The following DGKH variants were observed in gnomAD, a reference collection of about 807,000 sequenced individuals.
DGKH encodes diacylglycerol kinase eta.
Under a neutral mutation model 159.3 loss-of-function variants are expected in DGKH, and 90 were observed. The ratio of observed to expected loss-of-function variants is 0.57; its 90% CI spans 0.48 to 0.67. DGKH has a LOEUF of 0.67. DGKH is among the 30% of genes least tolerant of loss of function. The pLI is 0.00. For synonymous variants in DGKH, 536 were observed against 553.8 expected (o/e 0.97, Z 0.45); for missense variants, 1,181 against 1,506.1 (o/e 0.78, Z 3.57).
In DGKH at chr13:42,070,303, A is replaced by G. The variant is rs1169283289; in HGVS notation, c.192+21338A>G. 3.6e-5 allele frequency: 47 copies of G among 1,295,394 alleles called. No homozygotes were observed. The Admixed American group carries it at 7.6e-4, about 21-fold the overall frequency. The allele number at this position is 1,295,394 out of a possible 1,614,324, so 80.2% of individuals were successfully genotyped here. A position where few individuals can be genotyped will look rare whatever the true frequency, so the allele number is the denominator to read the frequency against. On this transcript the variant is annotated intron_variant, in intron 1 of 29. Transcript: ENST00000337343. ...CATGTGATTTCTAATGTAAACTGGA[A>G]TTACGCTGAGAAGCTCCTGACGATC... is the stretch of plus-strand genomic sequence containing the variant.
chr13:42,141,984 G>T (rs1955574493), intron 3 of DGKH, among the ~76,000 whole-genome samples: 1 of 151,402 alleles, frequency 6.6e-6, no homozygotes, highest in South Asian at 2.1e-4. Context: ...CCTATGTCCT[G>T]AATGGTATTG....
chr13:42,233,260 C>T lies in DGKH; in HGVS notation c.*4072C>T, dbSNP rs1315802368. 3 of 152,234 alleles carry T rather than the reference C, an allele frequency of 2.0e-5. No homozygotes were observed. Among genetic ancestry groups the T allele is most frequent in the African/African-American group, 7.2e-5 (3 of 41,448 alleles). The allele number at this position is 152,234 out of a possible 1,614,324, so 9.4% of individuals were successfully genotyped here. A position where few individuals can be genotyped will look rare whatever the true frequency, so the allele number is the denominator to read the frequency against. On this transcript the variant is annotated 3_prime_UTR_variant, in exon 30 of 30. Coordinates refer to ENST00000337343, the MANE Select transcript of DGKH (RefSeq NM_178009.5). Reference sequence around the variant, plus strand: ...TCACTGCAAAAATTCTATTGGACAGCACTGGTGCAGATCATTGCTACTCAA... The same window carrying T: ...TCACTGCAAAAATTCTATTGGACAGTACTGGTGCAGATCATTGCTACTCAA...
chr13:42,140,695 C>T (rs1343419139), intron 3 of DGKH: 1 of 152,096 alleles, frequency 6.6e-6, no homozygotes, highest in Non-Finnish European at 1.5e-5. Flanking sequence ...TGGAATTTAC[C>T]TAGACGTCAC....
At position 42,231,205 on chromosome 13, in the gene DGKH, T is replaced by C. The variant is rs1958284202; in HGVS notation, c.*2017T>C. On this transcript the variant is annotated 3_prime_UTR_variant, in exon 30 of 30. Transcript: ENST00000337343. ...CCCATCTCTACTAAAAATACAAAAATTAGCCGGGTGTGGTGGCACGCACCT... is the reference window on the plus strand; with the variant it reads ...CCCATCTCTACTAAAAATACAAAAACTAGCCGGGTGTGGTGGCACGCACCT... The C allele has an allele frequency of 6.6e-6, 1 of 151,980 alleles. No homozygotes were observed. The highest frequency in any genetic ancestry group is 2.4e-5 in the African/African-American group (1 of 41,332). The allele number at this position is 151,980 out of a possible 1,614,324, so 9.4% of individuals were successfully genotyped here.
At position 42,229,100 on chromosome 13, in the gene DGKH, A is replaced by T. The variant is rs753257322; in HGVS notation, c.3575A>T (p.Asp1192Val). The T allele has an allele frequency of 1.2e-5, 19 of 1,607,380 alleles. No individual in the cohort carries two copies. In the African/African-American group the frequency reaches 2.4e-4, roughly 21 times the overall value. Reference protein sequence around the residue: ...LLHLERRDLKDLGIPKVGHVK... With the variant: ...LLHLERRDLKVLGIPKVGHVK... ...CCTTTTTCTGTTCTTTTATTTTAGG[A>T]TCTGGGGATACCGAAAGTGGGTCAT... Residue 1192 changes from aspartate to valine, a missense_variant and splice_region_variant, in exon 30 of 30, where the codon GAT becomes GTT. Physicochemically the swap from Asp to Val is radical, Grantham distance 152 (BLOSUM62 -3). Transcript: ENST00000337343.
intron 16 of DGKH, among the ~76,000 whole-genome samples, chr13:42,190,845 G>T (rs922409349): frequency 8.5e-5 from 13 of 152,164 alleles, no homozygotes; most frequent in African/African-American, 3.1e-4. Context: ...CATCTGATTT[G>T]AACCTATTAT....
intron 1 of DGKH, among the ~76,000 whole-genome samples, chr13:42,125,637 G>A (rs1269955908): frequency 1.3e-5 from 2 of 152,222 alleles, no homozygotes; most frequent in African/African-American, 2.4e-5. Flanking sequence ...GTTCCAGGAA[G>A]ACAGTCTTAG....
At chr13:42,204,356 C>T (rs1159241516) in intron 20 of DGKH, among the ~76,000 whole-genome samples, 1 of 152,168 alleles carries the variant, frequency 6.6e-6, no homozygotes, top group African/African-American at 2.4e-5. Context: ...GACAAACCCC[C>T]AGGTGCATGG....
chr13:42,155,238 ACAAT>A, intron 3 of DGKH, 49 bp from the exon 4 acceptor site: 1 of 1,411,414 alleles, frequency 7.1e-7, no homozygotes, highest in East Asian at 2.4e-5. Flanking sequence ...AGGTTTTGCA[ACAAT>A]CTTTCTCTTT....
chr13:42,088,427 T>G (rs952053288), intron 1 of DGKH, among the ~76,000 whole-genome samples: 1 of 152,132 alleles, frequency 6.6e-6, no homozygotes, highest in African/African-American at 2.4e-5. Flanking sequence ...AAAGTAAAAC[T>G]AATAATGTTT....
At chr13:42,060,929 C>T (rs1331201649) in intron 1 of DGKH, among the ~76,000 whole-genome samples, 2 of 152,056 alleles carry the variant, frequency 1.3e-5, no homozygotes, top group East Asian at 1.9e-4. Flanking sequence ...GCTATGTTGT[C>T]TGGGGTATAT....
intron 1 of DGKH, among the ~76,000 whole-genome samples, chr13:42,125,518 T>C (rs1357299303): frequency 6.6e-6 from 1 of 152,166 alleles, no homozygotes; most frequent in Non-Finnish European, 1.5e-5. Flanking sequence ...ATACTGTTAT[T>C]GTATGCTGGA....
chr13:42,200,940 A>G (rs1957332508), intron 20 of DGKH, among the ~76,000 whole-genome samples: 1 of 152,034 alleles, frequency 6.6e-6, no homozygotes, highest in Middle Eastern at 3.2e-3. Flanking sequence ...TAATCATGTA[A>G]TCATTCCTTT....
At position 42,242,194 on chromosome 13, in the gene DGKH, C is replaced by T. The variant is rs1958526651; in HGVS notation, c.*13006C>T. On this transcript the variant is annotated 3_prime_UTR_variant, in exon 30 of 30. Transcript: ENST00000337343. ...ATAAAGATAACCAGAAATCATTTGCCTCTTGTTTATTATCATGTTGAAAAC... is the reference window on the plus strand; with the variant it reads ...ATAAAGATAACCAGAAATCATTTGCTTCTTGTTTATTATCATGTTGAAAAC... 6.6e-6 allele frequency: 1 copy of T among 152,220 alleles called. No individual in the cohort carries two copies. Among genetic ancestry groups the T allele is most frequent in the African/African-American group, 2.4e-5 (1 of 41,446 alleles). The allele number at this position is 152,220 out of a possible 1,614,324, so 9.4% of individuals were successfully genotyped here.
chr13:42,154,193 T>C (rs1173893530), intron 3 of DGKH, among the ~76,000 whole-genome samples: 3 of 152,240 alleles, frequency 2.0e-5, no homozygotes, highest in African/African-American at 7.2e-5. Context: ...ATGTAATGTT[T>C]AGACTTATCA....
chr13:42,108,341 AAGAT>A (rs1954799979), intron 1 of DGKH, among the ~76,000 whole-genome samples: 1 of 152,188 alleles, frequency 6.6e-6, no homozygotes, highest in African/African-American at 2.4e-5. Context: ...GGGAAAATAA[AAGAT>A]AGGTTGGGAG....
rs546380185 is a variant in DGKH, at chr13:42,143,546, G to A, written c.385-11745G>A. Reference sequence around the variant, plus strand: ...TCTGGTCCTGGACTTTTTTTGGTTGGTAAGCTATTAATTATTGCCTCAATT... The same window carrying A: ...TCTGGTCCTGGACTTTTTTTGGTTGATAAGCTATTAATTATTGCCTCAATT... On this transcript the variant is annotated intron_variant, in intron 3 of 29. Transcript: ENST00000337343. 1.2e-4 allele frequency among the ~76,000 whole-genome samples: 18 copies of A among 152,212 alleles called. No individual in the cohort carries two copies. In the East Asian group the frequency reaches 3.1e-3, roughly 26 times the overall value.
rs1955183547 is a variant in DGKH, at chr13:42,126,968, T to G, written c.193-495T>G. On this transcript the variant is annotated intron_variant, in intron 1 of 29. Coordinates refer to ENST00000337343, the MANE Select transcript of DGKH (RefSeq NM_178009.5). ...AGTCCTTTAACGTGTTTTTCATTTA[T>G]TTCTCACAACAACCCTATAAGGTAT... Among the ~76,000 whole-genome samples the G allele has an allele frequency of 2.6e-5, 4 of 152,212 alleles. No individual in the cohort carries two copies. In the South Asian group the frequency reaches 8.3e-4, roughly 32 times the overall value.
rs888436254 is a variant in DGKH, at chr13:42,199,579, G to C, written c.2299G>C (p.Glu767Gln). Residue 767 changes from glutamate (E) to glutamine (Q), a missense_variant, in exon 19 of 30, where the codon GAA (glutamate) becomes CAA (glutamine). Glu to Gln is a conservative substitution (Grantham distance 29). Transcript: ENST00000337343. Reference protein sequence around the residue: ...PDLDSVDGYSEKCVMNNYFGI... With the variant: ...PDLDSVDGYSQKCVMNNYFGI... Reference sequence around the variant, plus strand: ...CTGTGATCATAGAGATGGATATTCAGAAAAATGTGTCATGAACAATTACTT... The same window carrying C: ...CTGTGATCATAGAGATGGATATTCACAAAAATGTGTCATGAACAATTACTT... 3 of 1,587,528 alleles carry C rather than the reference G, an allele frequency of 1.9e-6. No homozygotes were observed. The highest frequency in any genetic ancestry group is 3.8e-5 in the Admixed American group (2 of 53,196).
Sources: allele counts gnomAD v4.1 joint callset (sites outside exome capture counted in the v4.1 genomes callset), GRCh38; gene constraint gnomAD v4.1.1; transcripts MANE v1.5; gene names NCBI Gene and HGNC (gene_info 2026-07-23, HGNC 2026-07-21).